SLIT3: variants seen among roughly 807,000 people sequenced by gnomAD.
SLIT3 encodes the protein slit homolog 3 protein.
SLIT3 carries 68 observed loss-of-function variants against 184.0 expected under a neutral mutation model. The ratio of observed to expected loss-of-function variants is 0.37; its 90% CI spans 0.30 to 0.45. The LOEUF (loss-of-function observed/expected upper bound fraction) is 0.45. SLIT3 is among the 20% of genes least tolerant of loss of function. SLIT3 has a pLI of 1.00. For missense variants in SLIT3, 1,707 were observed against 2,026.0 expected (o/e 0.84, Z 3.02); for synonymous variants, 831 against 828.6 (o/e 1.00, Z -0.05).
intron 21 of SLIT3, among the ~76,000 whole-genome samples, chr5:168,723,450 T>C (rs143523250): frequency 6.6e-6 from 1 of 152,332 alleles, no homozygotes; most frequent in African/African-American, 2.4e-5. Flanking sequence ...TGTCATTCAT[T>C]TATCCATCTA....
At chr5:168,914,230 A>G (rs1761360331) in intron 4 of SLIT3, among the ~76,000 whole-genome samples, 1 of 152,188 alleles carries the variant, frequency 6.6e-6, no homozygotes, top group Non-Finnish European at 1.5e-5. Flanking sequence ...ATTTTTGATA[A>G]ATATATTGCC....
Position 168,662,157 on chromosome 5 carries a change from C to G in SLIT3, c.*4297G>C, listed in dbSNP as rs577677527. On this transcript the variant is annotated 3_prime_UTR_variant, in exon 36 of 36. Transcript: ENST00000519560. Reference sequence around the variant, plus strand: ...GGAAGAACTTTGGCCTGGGTGGACACATGGGGTTAATTATCTGTGTGTCTT... The same window carrying G: ...GGAAGAACTTTGGCCTGGGTGGACAGATGGGGTTAATTATCTGTGTGTCTT... 6.6e-6 allele frequency: 1 copy of G among 152,364 alleles called. No individual in the cohort carries two copies. Among genetic ancestry groups the G allele is most frequent in the South Asian group, 2.1e-4 (1 of 4,828 alleles). 9.4% of individuals were successfully genotyped at this position (152,364 alleles called of 1,614,324 possible).
At chr5:169,226,373 G>T (rs1764809458) in intron 3 of SLIT3, among the ~76,000 whole-genome samples, 1 of 151,866 alleles carries the variant, frequency 6.6e-6, no homozygotes, top group Non-Finnish European at 1.5e-5. Context: ...TTCCAGGATT[G>T]AACAAAAAGT....
At chr5:168,705,849 G>T (rs1040849789) in intron 26 of SLIT3, among the ~76,000 whole-genome samples, 1 of 152,194 alleles carries the variant, frequency 6.6e-6, no homozygotes, top group East Asian at 1.9e-4. Flanking sequence ...AGAGAAGGAA[G>T]CAAGAATCAG....
In SLIT3 at chr5:168,804,501, G is replaced by A. The variant is rs376976404; in HGVS notation, c.935+1945C>T. Among the ~76,000 whole-genome samples, 21 of 152,094 alleles carry A rather than the reference G, an allele frequency of 1.4e-4. 2 individuals are homozygous for A. Among genetic ancestry groups the A allele is most frequent in the East Asian group, 1.4e-3 (7 of 5,140 alleles). ...ACTAAGTAGATTCCGTAGAGGGAGC[G>A]CTCTCTAAAGCTAGAGCACTGGACC... On this transcript the variant is annotated intron_variant, in intron 9 of 35. Transcript: ENST00000519560.
At chr5:169,223,832 T>TG (rs1561749581) in intron 3 of SLIT3, among the ~76,000 whole-genome samples, 1 of 152,140 alleles carries the variant, frequency 6.6e-6, no homozygotes, top group Non-Finnish European at 1.5e-5. Context: ...TCTGTAGAAA[T>TG]GCCTGTGAAT....
At position 169,033,388 on chromosome 5, in the gene SLIT3, C is replaced by T. The variant is rs184072000; in HGVS notation, c.414-150052G>A. Among the ~76,000 whole-genome samples, 283 of 152,262 alleles carry T rather than the reference C, an allele frequency of 1.9e-3. 2 individuals are homozygous for T. Among genetic ancestry groups the T allele is most frequent in the South Asian group, 0.012 (57 of 4,818 alleles). ...TTGTTGCCTATGTTCACTGTCACAA[C>T]GCTGCAGTGAACACAGGCATGCAGG... On this transcript the variant is annotated intron_variant, in intron 4 of 35. Transcript: ENST00000519560.
intron 4 of SLIT3, among the ~76,000 whole-genome samples, chr5:168,932,663 C>CCAGCAACT (rs1172299915): frequency 6.6e-6 from 1 of 152,174 alleles, no homozygotes. Context: ...CGGTCAGATC[C>CCAGCAACT]CAGCAACTCC....
chr5:168,992,328 A>C (rs1376387448), intron 4 of SLIT3, among the ~76,000 whole-genome samples: 1 of 152,222 alleles, frequency 6.6e-6, no homozygotes, highest in Non-Finnish European at 1.5e-5. Flanking sequence ...TGAGGAGCTT[A>C]ATGACAGACG....
chr5:169,048,001 A>C (rs76798730), intron 4 of SLIT3, among the ~76,000 whole-genome samples: 4,307 of 152,198 alleles, frequency 0.028, 205 homozygotes, highest in African/African-American at 0.097. Flanking sequence ...GGAGGGGGAA[A>C]AAAAGAGAAA....
chr5:168,847,660 A>C (rs995226992), intron 5 of SLIT3, among the ~76,000 whole-genome samples: 2 of 152,224 alleles, frequency 1.3e-5, no homozygotes, highest in Non-Finnish European at 1.5e-5. Context: ...TCAGCGACAT[A>C]AAAGTTAGTC....
At chr5:168,747,302 C>T (rs1451906845) in intron 20 of SLIT3, among the ~76,000 whole-genome samples, 1 of 152,188 alleles carries the variant, frequency 6.6e-6, no homozygotes, top group Non-Finnish European at 1.5e-5. Context: ...GTTGTCACTT[C>T]GCATGTGCAT....
Position 169,135,816 on chromosome 5 carries a change from C to T in SLIT3, c.413+57663G>A, listed in dbSNP as rs117932474. On this transcript the variant is annotated intron_variant, in intron 4 of 35. Transcript: ENST00000519560. ...CCTTCTCCCCACAACCCCTTCACCA[C>T]CAATGGCAGGCCAGGAAGGTTTTTC... Among the ~76,000 whole-genome samples, 37 of 152,332 alleles carry T rather than the reference C, an allele frequency of 2.4e-4. No individual in the cohort carries two copies. The East Asian group carries it at 6.9e-3, about 29-fold the overall frequency.
chr5:168,964,208 A>AT (rs1411574297), intron 4 of SLIT3, among the ~76,000 whole-genome samples: 1 of 152,240 alleles, frequency 6.6e-6, no homozygotes, highest in Non-Finnish European at 1.5e-5. Context: ...CACAATCAAG[A>AT]TTTTTTAAAA....
Position 168,858,601 on chromosome 5 carries a change from G to A in SLIT3, c.486-13946C>T, listed in dbSNP as rs116313466. The stretch of plus-strand genomic sequence containing the variant: ...CCCTGCAGCAGCGTTGGGCTTACGC[G>A]TTGGGCTCCCAGCAGCTTTCTGAGC... On this transcript the variant is annotated intron_variant, in intron 5 of 35. Transcript: ENST00000519560. 8.6e-3 allele frequency among the ~76,000 whole-genome samples: 1,306 copies of A among 152,342 alleles called. 18 individuals carry two copies. Among genetic ancestry groups the A allele is most frequent in the African/African-American group, 0.03 (1,252 of 41,586 alleles).
At position 169,057,202 on chromosome 5, in the gene SLIT3, TAA is replaced by T. The variant is rs565493347; in HGVS notation, c.413+136275_413+136276del. Among the ~76,000 whole-genome samples the T allele has an allele frequency of 1.9e-3, 283 of 152,286 alleles. 1 individual carries two copies. Among genetic ancestry groups the T allele is most frequent in the African/African-American group, 6.4e-3 (268 of 41,552 alleles). On this transcript the variant is annotated intron_variant, in intron 4 of 35. Coordinates refer to ENST00000519560, the MANE Select transcript of SLIT3 (RefSeq NM_003062.4). ...TGAGAAGGAGGGTCTAACATAGTGA[TAA>T]GTTATCTTAAACAAGAAGGGAAAAG...
intron 5 of SLIT3, among the ~76,000 whole-genome samples, chr5:168,850,394 G>A (rs1349613647): frequency 3.6e-5 from 4 of 111,668 alleles, no homozygotes; most frequent in Admixed American, 9.9e-5. Context: ...AAAGACCCCT[G>A]TCTATAAAAC....
intron 4 of SLIT3, among the ~76,000 whole-genome samples, chr5:169,063,711 G>C (rs894271240): frequency 2.0e-5 from 3 of 152,218 alleles, no homozygotes; most frequent in African/African-American, 7.2e-5. Context: ...AAATGCAAAG[G>C]GAATTTAAAT....
At chr5:168,704,925 G>A (rs951637567) in intron 26 of SLIT3, among the ~76,000 whole-genome samples, 5 of 152,128 alleles carry the variant, frequency 3.3e-5, no homozygotes, top group Non-Finnish European at 7.4e-5. Context: ...AGGAAAGCAG[G>A]GACATAGCAC....
Sources: gnomAD v4.1 joint callset for allele counts (sites outside exome capture counted in the v4.1 genomes callset) on GRCh38, gnomAD v4.1.1 for gene constraint, MANE v1.5 for transcripts, NCBI Gene and HGNC (gene_info 2026-07-23, HGNC 2026-07-21) for gene names.